Variants in OSBPL10 observed in about 807,000 individuals in gnomAD.
OSBPL10 encodes oxysterol-binding protein-related protein 10.
OSBPL10 carries 49 observed loss-of-function variants against 81.7 expected under a neutral mutation model. That is an observed-to-expected ratio of 0.60 (90% CI 0.48 to 0.76). The LOEUF (loss-of-function observed/expected upper bound fraction) is 0.76. Among genes scored for constraint, OSBPL10 ranks in the 30% least tolerant of loss-of-function variants. The pLI is 0.00. For missense variants in OSBPL10, 923 were observed against 987.8 expected (o/e 0.93, Z 0.88); for synonymous variants, 419 against 383.6 (o/e 1.09, Z -1.08).
intron 1 of OSBPL10, among the ~76,000 whole-genome samples, chr3:31,912,339 A>G (rs1696604388): frequency 6.6e-6 from 1 of 151,172 alleles, no homozygotes; most frequent in Admixed American, 6.6e-5. Context: ...GGTTGCAGTG[A>G]GCCGAGATTT....
intron 4 of OSBPL10, among the ~76,000 whole-genome samples, chr3:31,811,352 G>A (rs1215738118): frequency 6.6e-6 from 1 of 152,204 alleles, no homozygotes; most frequent in African/African-American, 2.4e-5. Flanking sequence ...CTCAGAACTC[G>A]CAGGACTCCT....
chr3:32,002,652 A>G (rs1460982486), intron 2 of OSBPL10, among the ~76,000 whole-genome samples: 1 of 130,328 alleles, frequency 7.7e-6, no homozygotes, highest in Admixed American at 7.7e-5. Context: ...GAGATGTTTC[A>G]CTCTAACATC....
At chr3:31,732,068 T>C (rs956202872) in intron 6 of OSBPL10, among the ~76,000 whole-genome samples, 1 of 152,176 alleles carries the variant, frequency 6.6e-6, no homozygotes, top group African/African-American at 2.4e-5. Flanking sequence ...TAAAAAATGA[T>C]TACTAAAGAT....
chr3:31,808,333 TGACACTGA>T (rs1205885574), intron 4 of OSBPL10, among the ~76,000 whole-genome samples: 1 of 152,208 alleles, frequency 6.6e-6, no homozygotes, highest in East Asian at 1.9e-4. Context: ...AGGCTCACAC[TGACACTGA>T]GGTCTTGTCA....
rs918386624 is a variant in OSBPL10 at position 31,691,726 on chromosome 3, G to A, written c.1246-7612C>T. Among the ~76,000 whole-genome samples, 11 of 152,090 alleles carry A rather than the reference G, an allele frequency of 7.2e-5. No homozygotes were observed. In the South Asian group the frequency reaches 2.3e-3, roughly 32 times the overall value. On this transcript the variant is annotated intron_variant, in intron 7 of 11. Transcript: ENST00000396556. ...AGCCTGAGTTGTCTCTTTAAAGAAA[G>A]AGAAAAGAAAGAAAAAAGAAACATG...
chr3:31,782,951 G>A (rs1698735565), intron 4 of OSBPL10, among the ~76,000 whole-genome samples: 1 of 151,850 alleles, frequency 6.6e-6, no homozygotes, highest in Admixed American at 6.6e-5. Context: ...CTACTCAAAG[G>A]AAAAGAAGTC....
chr3:32,035,377 C>G (rs1209286810), intron 2 of OSBPL10, among the ~76,000 whole-genome samples: 1 of 151,938 alleles, frequency 6.6e-6, no homozygotes, highest in African/African-American at 2.4e-5. Flanking sequence ...GCTTGGCCAA[C>G]ATGACAAAAT....
At chr3:31,846,803 C>T (rs1215907624) in intron 3 of OSBPL10, among the ~76,000 whole-genome samples, 1 of 152,112 alleles carries the variant, frequency 6.6e-6, no homozygotes, top group African/African-American at 2.4e-5. Context: ...TGCTCCTGAG[C>T]ATGCCCACCT....
At position 31,956,827 on chromosome 3, in the gene OSBPL10, T is replaced by C. The variant is rs185428143; in HGVS notation, c.281+24072A>G. 3.3e-5 allele frequency among the ~76,000 whole-genome samples: 5 copies of C among 152,122 alleles called. No homozygotes were observed. The East Asian group carries it at 7.8e-4, about 24-fold the overall frequency. ...TCTTGGATGCTGCTTGGTGAAGGAA[T>C]GATCTCATTCAAAAGCCACATTGGG... On this transcript the variant is annotated intron_variant, in intron 1 of 11. Transcript: ENST00000396556.
At chr3:32,040,618 T>C (rs1575090730) in intron 2 of OSBPL10, among the ~76,000 whole-genome samples, 2 of 150,870 alleles carry the variant, frequency 1.3e-5, no homozygotes, top group Middle Eastern at 7.2e-3. Flanking sequence ...GGAGGATCAG[T>C]TGAGGCCAGG....
At chr3:31,691,158 C>T (rs1414287145) in intron 7 of OSBPL10, among the ~76,000 whole-genome samples, 3 of 152,110 alleles carry the variant, frequency 2.0e-5, no homozygotes, top group Non-Finnish European at 2.9e-5. Flanking sequence ...ATAATTAAGA[C>T]AGTGAACTAT....
intron 4 of OSBPL10, among the ~76,000 whole-genome samples, chr3:31,817,560 A>ACCTG (rs74838898): frequency 6.6e-6 from 1 of 151,670 alleles, no homozygotes; most frequent in Non-Finnish European, 1.5e-5. Flanking sequence ...AGCTGCACCC[A>ACCTG]CACCCACACC....
At chr3:31,769,813 C>T (rs1411059721) in intron 4 of OSBPL10, among the ~76,000 whole-genome samples, 1 of 152,082 alleles carries the variant, frequency 6.6e-6, no homozygotes, top group African/African-American at 2.4e-5. Flanking sequence ...CCAGCAAATG[C>T]TCACTTAACT....
intron 6 of OSBPL10, chr3:31,710,478 C>T (rs990022085): frequency 3.3e-5 from 5 of 152,308 alleles, no homozygotes; most frequent in Non-Finnish European, 7.3e-5. Context: ...GCCTTCCCCA[C>T]TGAGGGCTTT....
chr3:31,984,361 TA>T (rs1339649620), upstream of OSBPL10, among the ~76,000 whole-genome samples: 1 of 151,608 alleles, frequency 6.6e-6, no homozygotes, highest in Admixed American at 6.6e-5. Flanking sequence ...TTTTTTTTTT[TA>T]AGGATAGTTT....
intron 10 of OSBPL10, among the ~76,000 whole-genome samples, chr3:31,665,155 G>A (rs1370861589): frequency 6.6e-6 from 1 of 152,204 alleles, no homozygotes; most frequent in Non-Finnish European, 1.5e-5. Context: ...TTAACACACA[G>A]CTTTCCTCCT....
chr3:31,741,923 G>A lies in OSBPL10; in HGVS notation c.940+5987C>T, dbSNP rs1331436108. The stretch of plus-strand genomic sequence containing the variant: ...TCTTCGCCTGCTGCCATCCACATAA[G>A]ATGTGACTTGCTTCTCCTGGCCTTC... On this transcript the variant is annotated intron_variant, in intron 5 of 11. Transcript: ENST00000396556. Among the ~76,000 whole-genome samples, 3 of 152,164 alleles carry A rather than the reference G, an allele frequency of 2.0e-5. No homozygotes were observed. In the South Asian group the frequency reaches 6.2e-4, roughly 31 times the overall value.
intron 1 of OSBPL10, chr3:31,919,433 G>A (rs563141076): frequency 6.6e-6 from 1 of 152,316 alleles, no homozygotes; most frequent in African/African-American, 2.4e-5. Flanking sequence ...AGGTGGCCAG[G>A]TCTTAGGAAG....
chr3:31,876,437 G>T lies in OSBPL10; in HGVS notation c.533C>A (p.Ser178Tyr), dbSNP rs1265875913. 1 of 1,610,518 alleles carries T rather than the reference G, an allele frequency of 6.2e-7. No individual in the cohort carries two copies. ...TCCTTTCTCACGGTGACTTACCTTAGAATTCATTTCCATGTGGTATTTGGC... is the reference window on the plus strand; with the variant it reads ...TCCTTTCTCACGGTGACTTACCTTATAATTCATTTCCATGTGGTATTTGGC... ...ACAKYHMEMN[S>Y]KSAPSSRSRS... Residue 178 changes from serine to tyrosine, a missense_variant, in exon 3 of 12, where the codon TCT becomes TAT. Physicochemically the swap from Ser to Tyr is moderately radical, Grantham distance 144. Around this residue, in one of 3 missense-constraint regions of OSBPL10, gnomAD observed 514 missense variants for 508.0 expected, o/e 1.01. Coordinates refer to ENST00000396556, the MANE Select transcript of OSBPL10 (RefSeq NM_017784.5).
Sources: gnomAD v4.1 joint callset for allele counts (sites outside exome capture counted in the v4.1 genomes callset) on GRCh38, gnomAD v4.1.1 for gene constraint, gnomAD v4.1.1 regional missense constraint, MANE v1.5 for transcripts, NCBI Gene and HGNC (gene_info 2026-07-23, HGNC 2026-07-21) for gene names.